JAK1: variants seen among roughly 807,000 people sequenced by gnomAD.
The protein encoded by JAK1 is Janus kinase 1, also known as tyrosine-protein kinase JAK1.
A neutral mutation model predicts 136.6 loss-of-function variants in JAK1; 16 were observed. The ratio of observed to expected loss-of-function variants is 0.12; its 90% CI spans 0.08 to 0.18. The LOEUF (loss-of-function observed/expected upper bound fraction) is 0.18. Among genes scored for constraint, JAK1 ranks in the 10% least tolerant of loss-of-function variants. The pLI is 1.00. For synonymous variants in JAK1, 492 were observed against 519.5 expected (o/e 0.95, Z 0.72); for missense variants, 859 against 1,450.1 (o/e 0.59, Z 6.62).
At chr1:64,932,728 A>G (rs140948299) in intron 1 of JAK1, among the ~76,000 whole-genome samples, 2 of 152,164 alleles carry the variant, frequency 1.3e-5, no homozygotes, top group East Asian at 3.9e-4. Context: ...TTTTTTATTG[A>G]CAAACTGCAA....
At chr1:65,052,118 A>ATTTTTTT (rs71056073) in intron 1 of JAK1, among the ~76,000 whole-genome samples, 4,000 of 93,344 alleles carry the variant, frequency 0.043, 95 homozygotes, top group Admixed American at 0.087. Context: ...ACGCCTGGCT[A>ATTTTTTT]TTTTTTTTTT....
intron 1 of JAK1, among the ~76,000 whole-genome samples, chr1:64,931,858 C>T (rs925536029): frequency 2.6e-5 from 4 of 151,870 alleles, no homozygotes; most frequent in African/African-American, 9.7e-5. Flanking sequence ...TCTAGCTATA[C>T]AGCTATTAAT....
intron 2 of JAK1, among the ~76,000 whole-genome samples, chr1:64,980,384 A>G (rs1338195135): frequency 1.3e-5 from 2 of 152,044 alleles, no homozygotes; most frequent in Non-Finnish European, 2.9e-5. Flanking sequence ...GTAGGTAGGA[A>G]TCACAGCTCT....
At chr1:64,886,179 T>C in intron 2 of JAK1, 80 bp downstream of exon 2, 1 of 917,686 alleles carries the variant, frequency 1.1e-6, no homozygotes, top group Non-Finnish European at 1.7e-6. Context: ...CCAATAGCCC[T>C]ACAGCCTCAA....
At chr1:65,014,763 C>A (rs1339304368) in intron 2 of JAK1, among the ~76,000 whole-genome samples, 2 of 151,618 alleles carry the variant, frequency 1.3e-5, no homozygotes, top group Admixed American at 1.3e-4. Flanking sequence ...CGGCTCACTG[C>A]AAGCTCTGCC....
chr1:65,002,664 G>A (rs1646769557), intron 2 of JAK1, among the ~76,000 whole-genome samples: 1 of 152,240 alleles, frequency 6.6e-6, no homozygotes, highest in African/African-American at 2.4e-5. Context: ...AGCTGGATGC[G>A]TCACCATCCG....
At chr1:64,932,362 G>A (rs1037489890) in intron 1 of JAK1, among the ~76,000 whole-genome samples, 4 of 152,122 alleles carry the variant, frequency 2.6e-5, no homozygotes, top group Admixed American at 1.3e-4. Flanking sequence ...GCAGTGAGCC[G>A]AGATCGCGCC....
Position 64,841,531 on chromosome 1 carries a change from G to T in JAK1, c.2474C>A (p.Thr825Asn). Reference sequence around the variant, plus strand: ...ATTGGGGTCATAGTTCATGCAGCGGGTCATGAGGTCAGCCAGCTCCTTACA... The same window carrying T: ...ATTGGGGTCATAGTTCATGCAGCGGTTCATGAGGTCAGCCAGCTCCTTACA... ...PSCKELADLM[T>N]RCMNYDPNQR... is the part of the protein sequence containing the mutation. The change falls in exon 18 of 25, where the codon ACC (threonine) becomes AAC (asparagine). Residue 825 changes from threonine (T) to asparagine (N), a missense_variant. Physicochemically the swap from Thr to Asn is moderately conservative, Grantham distance 65. Transcript: ENST00000342505. 1 of 1,614,054 alleles carries T rather than the reference G, an allele frequency of 6.2e-7. No homozygotes were observed. Among genetic ancestry groups the T allele is most frequent in the Non-Finnish European group, 8.5e-7 (1 of 1,179,956 alleles).
Position 65,003,288 on chromosome 1 carries a change from A to G in JAK1, c.-78+41192T>C, listed in dbSNP as rs536944759. Among the ~76,000 whole-genome samples the G allele has an allele frequency of 8.5e-5, 13 of 152,078 alleles. No individual in the cohort carries two copies. In the South Asian group the frequency reaches 2.7e-3, roughly 32 times the overall value. On this transcript the variant is annotated intron_variant, in intron 2 of 25. Coordinates refer to the JAK1 transcript ENST00000671954. ...TGTGGAGATTGTCCTTTAGAAAGAA[A>G]GAAAATCTCACGAGCTCGCTGGCCC...
chr1:64,879,526 A>G (rs193266631), intron 3 of JAK1, among the ~76,000 whole-genome samples: 10 of 152,256 alleles, frequency 6.6e-5, no homozygotes, highest in African/African-American at 2.4e-4. Flanking sequence ...AATCGGAAAC[A>G]CTCTGGGAGT....
At chr1:64,931,221 A>G (rs1380727473) in intron 1 of JAK1, among the ~76,000 whole-genome samples, 7 of 152,122 alleles carry the variant, frequency 4.6e-5, no homozygotes, top group Admixed American at 1.3e-4. Context: ...TTGATTTTCA[A>G]AGAGTCAAAA....
chr1:65,041,739 A>G (rs1258265042), intron 2 of JAK1, among the ~76,000 whole-genome samples: 1 of 152,176 alleles, frequency 6.6e-6, no homozygotes, highest in African/African-American at 2.4e-5. Context: ...TCAACCAGCC[A>G]TGGATCAAAA....
At position 65,047,520 on chromosome 1, in the gene JAK1, C is replaced by A. The variant is rs563369575; in HGVS notation, c.-180-2938G>T. 3.3e-4 allele frequency among the ~76,000 whole-genome samples: 50 copies of A among 152,238 alleles called. 1 individual carries two copies. The highest frequency in any genetic ancestry group is 1.2e-3 in the African/African-American group (50 of 41,558). ...AATCACAAGGTCAGGAGATCGAGAC[C>A]ATCCTGGCTAACACGGTGAAACCCC... On this transcript the variant is annotated intron_variant, in intron 1 of 25. Coordinates refer to the JAK1 transcript ENST00000671954.
intron 1 of JAK1, among the ~76,000 whole-genome samples, chr1:64,925,265 GGGTGTGGT>G (rs967143045): frequency 6.6e-6 from 1 of 151,880 alleles, no homozygotes; most frequent in African/African-American, 2.4e-5. Flanking sequence ...AAAGTTAGCA[GGGTGTGGT>G]GGCGCACACC....
intron 20 of JAK1, 40 bp from the exon 21 acceptor site, chr1:64,838,629 T>TGAGGGAACCATGGGAGAGGC (rs1285899575): frequency 6.2e-7 from 1 of 1,606,396 alleles, no homozygotes; most frequent in South Asian, 1.1e-5. Flanking sequence ...GGCTGCCAAA[T>TGAGGGAACCATGGGAGAGGC]GAGGGAACCA....
chr1:64,985,725 T>C, intron 2 of JAK1: 1 of 690,182 alleles, frequency 1.4e-6, no homozygotes, highest in South Asian at 1.6e-5. Context: ...AATAACCAAG[T>C]AGGCCAGGAT....
Position 64,845,536 on chromosome 1 carries a change from G to A in JAK1, c.2092C>T (p.Leu698=), listed in dbSNP as rs745770736. Reference sequence around the variant, plus strand: ...ACCAAGTAGCTCAGGGCACTGGCCAGCTGTTTGGCAACTTTGAATTTCCAT... The same window carrying A: ...ACCAAGTAGCTCAGGGCACTGGCCAACTGTTTGGCAACTTTGAATTTCCAT... ...TPWKFKVAKQ[L]ASALSYLEDK... Residue 698 remains leucine, a synonymous_variant, in exon 15 of 25, where the codon CTG becomes TTG. Transcript: ENST00000342505. 4 of 1,614,066 alleles carry A rather than the reference G, an allele frequency of 2.5e-6. No homozygotes were observed. The African/African-American group carries it at 5.3e-5, about 22-fold the overall frequency.
chr1:64,971,526 G>A (rs996339266), upstream of JAK1, among the ~76,000 whole-genome samples: 3 of 151,460 alleles, frequency 2.0e-5, no homozygotes, highest in African/African-American at 4.9e-5. Context: ...TTGCAGAGAC[G>A]CGGTTTCATC....
At chr1:64,994,614 A>G (rs529810734) in intron 2 of JAK1, among the ~76,000 whole-genome samples, 1 of 152,192 alleles carries the variant, frequency 6.6e-6, no homozygotes, top group South Asian at 2.1e-4. Context: ...TCTTGACCCA[A>G]ACACCTCTGA....
Sources: gnomAD v4.1 joint callset for allele counts (sites outside exome capture counted in the v4.1 genomes callset) on GRCh38, gnomAD v4.1.1 for gene constraint, MANE v1.5 for transcripts, NCBI Gene and HGNC (gene_info 2026-07-23, HGNC 2026-07-21) for gene names.